Variants in PDE8A observed in about 807,000 individuals in gnomAD.
The protein encoded by PDE8A is phosphodiesterase 8A.
PDE8A carries 59 observed loss-of-function variants against 105.0 expected under a neutral mutation model. The observed-to-expected ratio is 0.56, with a 90% CI of 0.46 to 0.70. The LOEUF is 0.70. Ranked by LOEUF, PDE8A falls within the 30% of genes least tolerant of loss-of-function variation. The pLI is 0.00. For missense variants in PDE8A, 1,014 were observed against 1,045.9 expected (o/e 0.97, Z 0.42); for synonymous variants, 355 against 371.9 (o/e 0.95, Z 0.52).
chr15:85,120,769 CA>C (rs1348206648), intron 17 of PDE8A, 27 bp from the exon 18 acceptor site: 1 of 1,477,576 alleles, frequency 6.8e-7, no homozygotes, highest in Non-Finnish European at 9.3e-7. Flanking sequence ...TGTCATACCC[CA>C]GTTTTTAAAA....
At chr15:85,011,490 G>A (rs2080238434) in intron 1 of PDE8A, among the ~76,000 whole-genome samples, 1 of 152,096 alleles carries the variant, frequency 6.6e-6, no homozygotes, top group African/African-American at 2.4e-5. Flanking sequence ...AATTTTGAAT[G>A]TAAAATGGTC....
chr15:85,106,102 G>C (rs1004068823), intron 11 of PDE8A, among the ~76,000 whole-genome samples: 6 of 152,108 alleles, frequency 3.9e-5, no homozygotes, highest in Non-Finnish European at 8.8e-5. Context: ...AGAAATTAAA[G>C]CCTGGTTAGT....
chr15:84,986,027 C>A (rs2079796443), intron 1 of PDE8A, among the ~76,000 whole-genome samples: 1 of 152,070 alleles, frequency 6.6e-6, no homozygotes, highest in South Asian at 2.1e-4. Context: ...GAGTTTGAGA[C>A]CAGCCTGGAC....
chr15:85,108,246 G>A (rs2081973562), intron 11 of PDE8A, among the ~76,000 whole-genome samples: 1 of 152,326 alleles, frequency 6.6e-6, no homozygotes, highest in East Asian at 1.9e-4. Flanking sequence ...TTCGGATCCT[G>A]TACATGAGCA....
chr15:85,100,421 G>T (rs1434343475), intron 11 of PDE8A, among the ~76,000 whole-genome samples: 1 of 152,242 alleles, frequency 6.6e-6, no homozygotes, highest in African/African-American at 2.4e-5. Context: ...CTCTGAGCCT[G>T]CGAGGGAAAG....
intron 1 of PDE8A, among the ~76,000 whole-genome samples, chr15:85,043,528 A>G (rs1174250140): frequency 6.6e-6 from 1 of 152,236 alleles, no homozygotes; most frequent in East Asian, 1.9e-4. Context: ...TCATTTTTCT[A>G]TGGGTTAATT....
At chr15:85,136,702 A>C (rs757362445) in intron 21 of PDE8A, 39 bp downstream of exon 21, 1 of 1,594,594 alleles carries the variant, frequency 6.3e-7, no homozygotes, top group Non-Finnish European at 8.6e-7. Context: ...TTTCCTCTAA[A>C]TAATGGGGAA....
intron 1 of PDE8A, among the ~76,000 whole-genome samples, chr15:84,996,841 A>AAAG (rs1226959062): frequency 7.0e-5 from 10 of 143,648 alleles, no homozygotes; most frequent in African/African-American, 2.5e-4. Context: ...AAAAAAAAAA[A>AAAG]AAAAAAAAAG....
intron 3 of PDE8A, among the ~76,000 whole-genome samples, chr15:85,075,070 A>G (rs79039559): frequency 0.011 from 1,603 of 152,308 alleles, 31 homozygotes; most frequent in African/African-American, 0.036. Context: ...GATGAGTTCA[A>G]AGCTGTTGCA....
intron 1 of PDE8A, among the ~76,000 whole-genome samples, chr15:85,012,722 A>C (rs289376): frequency 6.6e-6 from 1 of 151,882 alleles, no homozygotes; most frequent in Non-Finnish European, 1.5e-5. Context: ...AAAAAAAAGA[A>C]GAAAATAATG....
intron 1 of PDE8A, among the ~76,000 whole-genome samples, chr15:85,046,090 CAG>C (rs2080883251): frequency 7.8e-6 from 1 of 127,584 alleles, no homozygotes; most frequent in African/African-American, 2.9e-5. Flanking sequence ...TTTTTTAAGA[CAG>C]AGTCTCGCCC....
intron 1 of PDE8A, among the ~76,000 whole-genome samples, chr15:85,034,828 G>A (rs1235699236): frequency 6.6e-6 from 1 of 152,150 alleles, no homozygotes; most frequent in Non-Finnish European, 1.5e-5. Context: ...TGGGATTACA[G>A]GCATGAGCCA....
In PDE8A at chr15:85,137,828, T is replaced by C; in HGVS notation, c.2415T>C (p.His805=). The C allele has an allele frequency of 3.1e-6, 5 of 1,613,386 alleles. No homozygotes were observed. The highest frequency in any genetic ancestry group is 4.2e-6 in the Non-Finnish European group (5 of 1,179,298). The change falls in exon 22 of 22, where the codon CAT becomes CAC. Residue 805 remains histidine (H), a synonymous_variant. Transcript: ENST00000394553. ...TAGACCTGCCTGATTTAATGCAGCA[T>C]CTTGACAACAACTTTAAATACTGGA... ...AFVDLPDLMQ[H]LDNNFKYWKG...
At chr15:84,999,269 T>C (rs1194834429) in intron 1 of PDE8A, among the ~76,000 whole-genome samples, 5 of 151,584 alleles carry the variant, frequency 3.3e-5, no homozygotes, top group Non-Finnish European at 7.4e-5. Context: ...TATAGGCACC[T>C]GCCACCATGC....
chr15:85,007,136 T>C (rs2080160856), intron 1 of PDE8A, among the ~76,000 whole-genome samples: 2 of 151,992 alleles, frequency 1.3e-5, no homozygotes, highest in Admixed American at 6.6e-5. Context: ...AGAGCAAAAG[T>C]GTGGGATGTG....
intron 1 of PDE8A, among the ~76,000 whole-genome samples, chr15:85,027,904 A>G (rs1003612718): frequency 6.6e-5 from 10 of 152,198 alleles, no homozygotes; most frequent in Non-Finnish European, 1.0e-4. Flanking sequence ...CTGTTCTGAA[A>G]TCTACTTTTT....
intron 3 of PDE8A, among the ~76,000 whole-genome samples, chr15:85,072,400 C>G (rs1465916605): frequency 6.6e-6 from 1 of 152,166 alleles, no homozygotes; most frequent in Non-Finnish European, 1.5e-5. Context: ...CATTTCTATT[C>G]TTTTCCTAAT....
intron 15 of PDE8A, 109 bp downstream of exon 15, chr15:85,115,596 A>T: frequency 1.7e-6 from 1 of 603,354 alleles, no homozygotes. Flanking sequence ...GGTATGTCAT[A>T]AAGCCTCAGA....
chr15:85,039,566 A>C (rs866480564), intron 1 of PDE8A, among the ~76,000 whole-genome samples: 12 of 152,298 alleles, frequency 7.9e-5, no homozygotes, highest in Middle Eastern at 3.4e-3. Flanking sequence ...AAAAACTAAA[A>C]ATAGACTTAG....
Sources: allele counts gnomAD v4.1 joint callset (sites outside exome capture counted in the v4.1 genomes callset), GRCh38; gene constraint gnomAD v4.1.1; transcripts MANE v1.5; gene names NCBI Gene and HGNC (gene_info 2026-07-23, HGNC 2026-07-21).